Variants in ROBO2 observed in about 807,000 individuals in gnomAD.
The protein encoded by ROBO2 is roundabout homolog 2.
A neutral mutation model predicts 160.8 loss-of-function variants in ROBO2; 53 were observed. That is an observed-to-expected ratio of 0.33 (90% CI 0.26 to 0.41). The LOEUF (loss-of-function observed/expected upper bound fraction) is 0.41, where lower values mean the gene tolerates loss of function less well. ROBO2 is among the 10% of genes least tolerant of loss of function. The pLI is 1.00. For synonymous variants in ROBO2, 664 were observed against 611.7 expected, an observed-to-expected ratio of 1.09 and a Z score of -1.26; for missense variants, 1,577 against 1,722.4, an observed-to-expected ratio of 0.92 and a Z score of 1.49.
intron 2 of ROBO2, among the ~76,000 whole-genome samples, chr3:76,032,088 G>A (rs1487114382): frequency 1.3e-5 from 2 of 151,908 alleles, no homozygotes; most frequent in African/African-American, 4.8e-5. Flanking sequence ...GTCTTGGGAG[G>A]GTGTATGTGT....
chr3:77,301,865 C>G (rs2062685799), intron 2 of ROBO2, among the ~76,000 whole-genome samples: 1 of 151,736 alleles, frequency 6.6e-6, no homozygotes, highest in South Asian at 2.1e-4. Flanking sequence ...CTTGACCTTG[C>G]TGAGCTTCAA....
At chr3:76,940,936 T>C (rs1480283939) in intron 2 of ROBO2, among the ~76,000 whole-genome samples, 1 of 152,216 alleles carries the variant, frequency 6.6e-6, no homozygotes. Flanking sequence ...ACTTTGGCAT[T>C]TGAATTTTTC....
At chr3:76,182,126 C>T (rs779173729) in intron 2 of ROBO2, among the ~76,000 whole-genome samples, 56 of 152,194 alleles carry the variant, frequency 3.7e-4, no homozygotes, top group Non-Finnish European at 6.2e-4. Flanking sequence ...GCAGCCTAGA[C>T]GCTGAATTAA....
intron 2 of ROBO2, among the ~76,000 whole-genome samples, chr3:76,025,731 T>C (rs2107682838): frequency 6.6e-6 from 1 of 151,874 alleles, no homozygotes; most frequent in East Asian, 1.9e-4. Flanking sequence ...AAAAAGGCCA[T>C]CTTCAGTAAT....
intron 5 of ROBO2, among the ~76,000 whole-genome samples, chr3:77,516,494 AT>A (rs2090033495): frequency 6.6e-6 from 1 of 151,634 alleles, no homozygotes; most frequent in Non-Finnish European, 1.5e-5. Context: ...CAAAGCTTAC[AT>A]TGTTTTCTCT....
At chr3:77,527,353 T>G (rs2091263191) in intron 6 of ROBO2, 50 bp from the exon 7 acceptor site, 1 of 1,277,214 alleles carries the variant, frequency 7.8e-7, no homozygotes, top group East Asian at 5.6e-5. Flanking sequence ...TTTCTTTCTT[T>G]TTTTTAATTT....
At chr3:77,148,450 C>T (rs1382667524) in intron 2 of ROBO2, among the ~76,000 whole-genome samples, 2 of 152,188 alleles carry the variant, frequency 1.3e-5, no homozygotes, top group Non-Finnish European at 2.9e-5. Context: ...TCACTCAACG[C>T]TTAAGAGGAA....
chr3:77,492,751 G>A (rs1425568656), intron 4 of ROBO2, among the ~76,000 whole-genome samples: 1 of 152,022 alleles, frequency 6.6e-6, no homozygotes, highest in Non-Finnish European at 1.5e-5. Flanking sequence ...AGCTTAAGTG[G>A]GAAAATCTAG....
At chr3:76,712,531 T>C (rs1399413564) in intron 2 of ROBO2, among the ~76,000 whole-genome samples, 1 of 151,834 alleles carries the variant, frequency 6.6e-6, no homozygotes, top group African/African-American at 2.4e-5. Context: ...AAAAATTAGC[T>C]GGGTGTGGTG....
In ROBO2 at chr3:77,291,416, C is replaced by T. The variant is rs145241001; in HGVS notation, c.389-185998C>T. Among the ~76,000 whole-genome samples, 1,030 of 147,846 alleles carry T rather than the reference C, an allele frequency of 7.0e-3. 3 individuals carry two copies. The highest frequency in any genetic ancestry group is 0.024 in the African/African-American group (964 of 39,434). On this transcript the variant is annotated intron_variant, in intron 2 of 25. Transcript: ENST00000461745. ...ACATAAAGTAAAATTGATAGTTAAACGGGTAAGCTGAGGCTAGATCACCCC... is the reference window on the plus strand; with the variant it reads ...ACATAAAGTAAAATTGATAGTTAAATGGGTAAGCTGAGGCTAGATCACCCC...
intron 2 of ROBO2, among the ~76,000 whole-genome samples, chr3:77,323,780 T>C (rs2065067911): frequency 1.3e-5 from 2 of 152,254 alleles, no homozygotes; most frequent in East Asian, 1.9e-4. Flanking sequence ...TTTCAAGCTT[T>C]GAAAGGCTCA....
intron 1 of ROBO2, among the ~76,000 whole-genome samples, chr3:75,923,772 A>G (rs1436703535): frequency 2.0e-5 from 3 of 152,236 alleles, no homozygotes; most frequent in African/African-American, 7.2e-5. Flanking sequence ...ATTGCTAAGC[A>G]CATAGGAAAC....
chr3:76,286,957 T>C (rs1708534462), intron 2 of ROBO2, among the ~76,000 whole-genome samples: 1 of 152,228 alleles, frequency 6.6e-6, no homozygotes, highest in African/African-American at 2.4e-5. Flanking sequence ...ATGTTTTCTT[T>C]TCTTTCTACC....
At chr3:77,627,035 T>TA (rs1221402866) in intron 23 of ROBO2, among the ~76,000 whole-genome samples, 1 of 152,156 alleles carries the variant, frequency 6.6e-6, no homozygotes, top group African/African-American at 2.4e-5. Flanking sequence ...AGTTTAGTAT[T>TA]AGGGAAAAGT....
intron 2 of ROBO2, among the ~76,000 whole-genome samples, chr3:76,104,560 T>A (rs149904682): frequency 1.3e-5 from 2 of 152,344 alleles, no homozygotes; most frequent in African/African-American, 4.8e-5. Flanking sequence ...AGCCATAAAA[T>A]GATGGAATTT....
intron 3 of ROBO2, 141 bp downstream of exon 3, chr3:77,477,712 A>G (rs918673690): frequency 1.1e-5 from 10 of 935,334 alleles, no homozygotes; most frequent in Non-Finnish European, 1.6e-5. Context: ...GAAAAGATTT[A>G]AAAACATTTG....
chr3:76,444,961 C>T (rs1455667313), intron 2 of ROBO2, among the ~76,000 whole-genome samples: 1 of 151,912 alleles, frequency 6.6e-6, no homozygotes, highest in Non-Finnish European at 1.5e-5. Context: ...GTTAGATAGG[C>T]TTTTTTGTTT....
intron 2 of ROBO2, among the ~76,000 whole-genome samples, chr3:76,179,626 A>G (rs1022594457): frequency 1.3e-5 from 2 of 152,014 alleles, no homozygotes; most frequent in Admixed American, 1.3e-4. Context: ...TCCCGTATTG[A>G]CTTTCCCTTC....
At chr3:77,118,707 G>T (rs559600159) in intron 2 of ROBO2, among the ~76,000 whole-genome samples, 3 of 152,150 alleles carry the variant, frequency 2.0e-5, no homozygotes, top group Non-Finnish European at 4.4e-5. Context: ...TGCAATAACA[G>T]AAAAGTTATA....
Sources: gnomAD v4.1 joint callset for allele counts (sites outside exome capture counted in the v4.1 genomes callset) on GRCh38, gnomAD v4.1.1 for gene constraint, MANE v1.5 for transcripts, NCBI Gene and HGNC (gene_info 2026-07-23, HGNC 2026-07-21) for gene names.